The following L3MBTL4 variants were observed in gnomAD, a reference collection of about 807,000 sequenced individuals.
The protein encoded by L3MBTL4 is lethal(3)malignant brain tumor-like protein 4.
A neutral mutation model predicts 84.5 loss-of-function variants in L3MBTL4; 70 were observed. The observed-to-expected ratio is 0.83, with a 90% confidence interval of 0.68 to 1.01. The LOEUF (loss-of-function observed/expected upper bound fraction) is 1.01. Among genes scored for constraint, L3MBTL4 ranks in the 50% least tolerant of loss-of-function variants. The pLI is 0.00. For synonymous variants in L3MBTL4, 274 were observed against 259.8 expected, an observed-to-expected ratio of 1.05 and a Z score of -0.52; for missense variants, 715 against 754.8, an observed-to-expected ratio of 0.95 and a Z score of 0.62.
chr18:6,302,821 A>G (rs2050402103), intron 3 of L3MBTL4, among the ~76,000 whole-genome samples: 1 of 152,120 alleles, frequency 6.6e-6, no homozygotes, highest in Non-Finnish European at 1.5e-5. Context: ...CGTCTCTACT[A>G]AAAATACAAA....
At chr18:6,299,105 C>G (rs184530269) in intron 4 of L3MBTL4, among the ~76,000 whole-genome samples, 2 of 152,300 alleles carry the variant, frequency 1.3e-5, no homozygotes, top group African/African-American at 4.8e-5. Context: ...TTTAATCACA[C>G]ACAGTCATTA....
chr18:6,330,658 G>A (rs1270453962), intron 1 of L3MBTL4, among the ~76,000 whole-genome samples: 1 of 152,146 alleles, frequency 6.6e-6, no homozygotes, highest in Non-Finnish European at 1.5e-5. Flanking sequence ...ATATTCACAG[G>A]CTCCAAGGAG....
At chr18:6,233,981 G>A (rs1163976624) in intron 10 of L3MBTL4, among the ~76,000 whole-genome samples, 2 of 152,104 alleles carry the variant, frequency 1.3e-5, no homozygotes, top group African/African-American at 4.8e-5. Flanking sequence ...ATAGACCAGT[G>A]GAACAGAACA....
intron 16 of L3MBTL4, among the ~76,000 whole-genome samples, chr18:6,048,970 T>G (rs1279319961): frequency 6.6e-6 from 1 of 151,904 alleles, no homozygotes; most frequent in Non-Finnish European, 1.5e-5. Flanking sequence ...TATGCAAAAA[T>G]TAACTCAAGA....
At chr18:6,226,243 C>G (rs1251904211) in intron 10 of L3MBTL4, among the ~76,000 whole-genome samples, 1 of 151,960 alleles carries the variant, frequency 6.6e-6, no homozygotes, top group Non-Finnish European at 1.5e-5. Flanking sequence ...CCCATCTCTA[C>G]TAAAAGTACA....
intron 15 of L3MBTL4, among the ~76,000 whole-genome samples, chr18:6,088,267 G>A (rs1025733505): frequency 2.6e-5 from 4 of 152,194 alleles, no homozygotes; most frequent in East Asian, 1.9e-4. Flanking sequence ...GATAGGACTG[G>A]CCTCTCAGGG....
At chr18:6,264,351 G>A (rs1307239616) in intron 4 of L3MBTL4, among the ~76,000 whole-genome samples, 1 of 152,172 alleles carries the variant, frequency 6.6e-6, no homozygotes, top group Non-Finnish European at 1.5e-5. Context: ...CAGGCTTTCT[G>A]GAAAGTGATT....
At chr18:6,041,891 A>AT (rs1555636531) in intron 16 of L3MBTL4, among the ~76,000 whole-genome samples, 2,475 of 149,248 alleles carry the variant, frequency 0.017, 71 homozygotes, top group African/African-American at 0.058. Context: ...TGCCTGGCTA[A>AT]TTTTTTTTTT....
chr18:6,120,913 C>T (rs994810749), intron 14 of L3MBTL4, among the ~76,000 whole-genome samples: 4 of 152,088 alleles, frequency 2.6e-5, no homozygotes, highest in African/African-American at 7.2e-5. Flanking sequence ...TTATAAATAG[C>T]GCTGCTACAA....
intron 1 of L3MBTL4, among the ~76,000 whole-genome samples, chr18:6,412,896 A>G (rs1010321431): frequency 3.3e-5 from 5 of 152,184 alleles, no homozygotes; most frequent in African/African-American, 1.2e-4. Context: ...CTTTAAAGTG[A>G]AAGTTAAATG....
Position 6,311,669 on chromosome 18 carries a change from GT to G in L3MBTL4, c.-31-14del. ...TGGCAGTGGTTTTCTGTAAAACAGG[GT>G]TACATAAGAAGTTGGGGATGGGGGT... On this transcript the variant is annotated splice_polypyrimidine_tract_variant and intron_variant, in intron 2 of 18. Transcript: ENST00000317931. The G allele has an allele frequency of 6.5e-7, 1 of 1,528,050 alleles. No individual in the cohort carries two copies. Among genetic ancestry groups the G allele is most frequent in the Non-Finnish European group, 9.1e-7 (1 of 1,101,940 alleles). 94.7% of individuals were successfully genotyped at this position (1,528,050 alleles called of 1,614,324 possible).
intron 16 of L3MBTL4, among the ~76,000 whole-genome samples, chr18:6,077,827 G>C (rs1318375410): frequency 6.6e-6 from 1 of 150,592 alleles, no homozygotes; most frequent in East Asian, 2.0e-4. Flanking sequence ...TCAGGAGTTC[G>C]AGACCAGCCT....
At chr18:6,380,619 G>T (rs551315392) in intron 1 of L3MBTL4, among the ~76,000 whole-genome samples, 95 of 152,224 alleles carry the variant, frequency 6.2e-4, no homozygotes, top group African/African-American at 2.2e-3. Context: ...CCATGTAGTT[G>T]TGCGGTTTTA....
chr18:6,400,196 A>G (rs1345303337), intron 1 of L3MBTL4, among the ~76,000 whole-genome samples: 3 of 152,240 alleles, frequency 2.0e-5, no homozygotes, highest in Non-Finnish European at 4.4e-5. Flanking sequence ...ACTATTGAAA[A>G]GTTTTGTGAA....
chr18:6,058,038 G>C (rs1169159902), intron 16 of L3MBTL4, among the ~76,000 whole-genome samples: 3 of 152,142 alleles, frequency 2.0e-5, no homozygotes, highest in Non-Finnish European at 4.4e-5. Context: ...GCTGGAACCA[G>C]CAACAACTCT....
rs1196353008 is a variant in L3MBTL4, at chr18:6,373,778, TA to T, written c.-91+41022del. Among the ~76,000 whole-genome samples the T allele has an allele frequency of 8.7e-3, 1,214 of 140,272 alleles. 18 individuals are homozygous for T. Among genetic ancestry groups the T allele is most frequent in the African/African-American group, 0.027 (1,019 of 38,392 alleles). The allele number at this position is 140,272 out of a possible 152,430, so 92.0% of individuals were successfully genotyped here. ...TCTGCCCAAATGTCAAGTGAATTGA[TA>T]AAAAAAAAAAACCCACTTTACCACT... On this transcript the variant is annotated intron_variant, in intron 1 of 18. Transcript: ENST00000317931.
chr18:6,241,442 T>A lies in L3MBTL4; in HGVS notation c.468A>T (p.Arg156Ser), dbSNP rs769841536. The A allele has an allele frequency of 6.4e-7, 1 of 1,570,554 alleles. No individual in the cohort carries two copies. The highest frequency in any genetic ancestry group is 1.2e-5 in the South Asian group (1 of 86,896). ...AATCCATCCAAACAAATTTATCTTTTCTATAACCTAAAAAAAGCACAGATT... is the reference window on the plus strand; with the variant it reads ...AATCCATCCAAACAAATTTATCTTTACTATAACCTAAAAAAAGCACAGATT... ...KHELHIPKGY[R>S]KDKFVWMDYL... Residue 156 changes from arginine (R) to serine (S), a missense_variant, in exon 8 of 19, where the codon AGA becomes AGT. Transcript: ENST00000317931.
At chr18:6,201,490 G>A (rs975633019) in intron 12 of L3MBTL4, among the ~76,000 whole-genome samples, 1 of 152,176 alleles carries the variant, frequency 6.6e-6, no homozygotes, top group African/African-American at 2.4e-5. Context: ...GCTTAGGGCT[G>A]TCTTGGACAT....
At chr18:6,168,036 A>G (rs2043766941) in intron 13 of L3MBTL4, among the ~76,000 whole-genome samples, 1 of 152,174 alleles carries the variant, frequency 6.6e-6, no homozygotes, top group South Asian at 2.1e-4. Flanking sequence ...CCAATAACAG[A>G]CAAACAGAGA....
Sources: gnomAD v4.1 joint callset for allele counts (sites outside exome capture counted in the v4.1 genomes callset) on GRCh38, gnomAD v4.1.1 for gene constraint, MANE v1.5 for transcripts, NCBI Gene and HGNC (gene_info 2026-07-23, HGNC 2026-07-21) for gene names.